The following CFI variants were observed in gnomAD, a reference collection of about 807,000 sequenced individuals.
The protein encoded by CFI is C3B/C4B inactivator.
A neutral mutation model predicts 78.8 loss-of-function variants in CFI; 66 were observed. That is an observed-to-expected ratio of 0.84 (90% CI 0.69 to 1.03). The LOEUF (loss-of-function observed/expected upper bound fraction) is 1.03. Ranked by LOEUF, CFI falls within the 50% of genes least tolerant of loss-of-function variation. CFI has a pLI of 0.00. For missense variants in CFI, 706 were observed against 704.5 expected, an observed-to-expected ratio of 1.00 and a Z score of -0.02; for synonymous variants, 250 against 232.6, an observed-to-expected ratio of 1.07 and a Z score of -0.68.
At chr4:109,784,814 TG>T (rs2125852921) in intron 1 of CFI, among the ~76,000 whole-genome samples, 1 of 152,218 alleles carries the variant, frequency 6.6e-6, no homozygotes, top group Admixed American at 6.5e-5. Flanking sequence ...AAGTATCTTT[TG>T]TCAGGCCTCT....
chr4:109,757,946 A>G, intron 6 of CFI, 163 bp from the exon 7 acceptor site: 1 of 1,465,934 alleles, frequency 6.8e-7, no homozygotes, highest in South Asian at 1.3e-5. Context: ...CTTGAATTGT[A>G]GGATGTCTAG....
intron 3 of CFI, 63 bp from the exon 4 acceptor site, chr4:109,761,755 C>T: frequency 2.2e-6 from 3 of 1,351,892 alleles, no homozygotes; most frequent in Non-Finnish European, 3.2e-6. Context: ...TATAACCCTA[C>T]TGTAGCAGGT....
At chr4:109,764,279 G>A (rs1727450504) in intron 3 of CFI, 5 of 527,352 alleles carry the variant, frequency 9.5e-6, no homozygotes, top group Non-Finnish European at 1.4e-5. Context: ...AAATGAATGT[G>A]TTTGTGACTC....
At position 109,746,497 on chromosome 4, in the gene CFI, C is replaced by T. The variant is rs1356737725; in HGVS notation, c.1154G>A (p.Ser385Asn). ...ILTAAHCLRA[S>N]KTHRYQIWTT... is the part of the protein sequence containing the mutation. ...CCATATTTGGTAACGATGAGTTTTA[C>T]TGGCTCTATAACAGAAAAAAAAAGG... Residue 385 changes from serine (S) to asparagine (N), a missense_variant, in exon 11 of 13, where the codon AGT (serine) becomes AAT (asparagine). Coordinates refer to ENST00000394634, the MANE Select transcript of CFI (RefSeq NM_000204.5). The T allele has an allele frequency of 6.2e-7, 1 of 1,609,270 alleles. No homozygotes were observed. The highest frequency in any genetic ancestry group is 2.2e-5 in the East Asian group (1 of 44,842).
chr4:109,752,933 TATAAATAA>T lies in CFI; in HGVS notation c.905-438_905-431del, dbSNP rs1374132028. 4.9e-4 allele frequency among the ~76,000 whole-genome samples: 52 copies of T among 106,166 alleles called. 1 individual carries two copies. Among genetic ancestry groups the T allele is most frequent in the South Asian group, 7.5e-4 (3 of 4,004 alleles). 69.6% of individuals were successfully genotyped at this position (106,166 alleles called of 152,430 possible). On this transcript the variant is annotated intron_variant, in intron 7 of 12. Transcript: ENST00000394634. The stretch of plus-strand genomic sequence containing the variant: ...AAATATTTATAATATATATTTATTA[TATAAATAA>T]ATATTTATAATACATATTTATTATA...
intron 1 of CFI, among the ~76,000 whole-genome samples, chr4:109,782,204 G>T (rs970038058): frequency 6.6e-6 from 1 of 151,904 alleles, no homozygotes; most frequent in African/African-American, 2.4e-5. Context: ...CTCTTTATGG[G>T]CATCCAAACC....
At chr4:109,751,523 C>A (rs1306607731) in intron 8 of CFI, among the ~76,000 whole-genome samples, 2 of 140,684 alleles carry the variant, frequency 1.4e-5, no homozygotes, top group Non-Finnish European at 3.0e-5. Context: ...TTCACTGCAA[C>A]CTCCACCTCC....
At chr4:109,785,126 A>G (rs964031937) in intron 1 of CFI, among the ~76,000 whole-genome samples, 17 of 152,004 alleles carry the variant, frequency 1.1e-4, no homozygotes, top group African/African-American at 4.1e-4. Flanking sequence ...TCCCAAACCT[A>G]TAAGAACTAA....
intron 1 of CFI, among the ~76,000 whole-genome samples, chr4:109,801,489 TTG>T (rs1340991007): frequency 6.6e-6 from 1 of 152,202 alleles, no homozygotes; most frequent in Non-Finnish European, 1.5e-5. Flanking sequence ...ACTTGCACTT[TTG>T]TGTTTTCAGA....
At chr4:109,771,788 T>C (rs1227344374) in intron 1 of CFI, among the ~76,000 whole-genome samples, 1 of 143,684 alleles carries the variant, frequency 7.0e-6, no homozygotes, top group Non-Finnish European at 1.5e-5. Context: ...GAACATTTGA[T>C]GGGATAGTAG....
chr4:109,732,653 C>T, the CFI span, among the ~76,000 whole-genome samples: 2 of 151,960 alleles, frequency 1.3e-5, no homozygotes, highest in Admixed American at 6.6e-5. Flanking sequence ...GTCAGGAGAT[C>T]GAGACCATCC....
At chr4:109,799,045 C>T (rs987802302) in intron 1 of CFI, among the ~76,000 whole-genome samples, 8 of 152,124 alleles carry the variant, frequency 5.3e-5, no homozygotes, top group African/African-American at 1.9e-4. Flanking sequence ...TGAACTTAGA[C>T]AACCACCAGA....
the CFI span, among the ~76,000 whole-genome samples, chr4:109,732,143 T>C: frequency 6.6e-6 from 1 of 152,214 alleles, no homozygotes; most frequent in African/African-American, 2.4e-5. Flanking sequence ...CCACTTTCTC[T>C]ATTTATTTAC....
In CFI at chr4:109,752,510, T is replaced by G. The variant is rs544145000; in HGVS notation, c.905-7A>C. The G allele has an allele frequency of 6.2e-7, 1 of 1,610,752 alleles. No homozygotes were observed. Among genetic ancestry groups the G allele is most frequent in the South Asian group, 1.1e-5 (1 of 90,958 alleles). On this transcript the variant is annotated splice_polypyrimidine_tract_variant and splice_region_variant and intron_variant, in intron 7 of 12. Transcript: ENST00000394634. ...GTCAAAATTTCTGTTTCTTCTATGA[T>G]AAAACAAAAGATTCCAATGTTTAAA... is the stretch of plus-strand genomic sequence containing the variant.
At chr4:109,733,671 C>T in the CFI span, among the ~76,000 whole-genome samples, 1 of 152,182 alleles carries the variant, frequency 6.6e-6, no homozygotes, top group Non-Finnish European at 1.5e-5. Flanking sequence ...TCAAGGATGG[C>T]ATTGAAATTT....
chr4:109,790,052 G>C (rs1041800419), intron 1 of CFI, among the ~76,000 whole-genome samples: 1 of 151,932 alleles, frequency 6.6e-6, no homozygotes, highest in African/African-American at 2.4e-5. Context: ...TGATTTGTGT[G>C]TTTCTAGGAA....
At chr4:109,772,292 T>C (rs1477349877) in intron 1 of CFI, among the ~76,000 whole-genome samples, 1 of 152,246 alleles carries the variant, frequency 6.6e-6, no homozygotes, top group African/African-American at 2.4e-5. Context: ...GTTGCCAAAA[T>C]ATGAGCTGAT....
At chr4:109,801,843 GATT>G (rs1210044352) in intron 1 of CFI, 69 bp downstream of exon 1, 1 of 998,358 alleles carries the variant, frequency 1.0e-6, no homozygotes, top group Non-Finnish European at 1.5e-6. Flanking sequence ...ATATATTTAA[GATT>G]ATTTTCTATG....
intron 1 of CFI, among the ~76,000 whole-genome samples, chr4:109,788,314 G>T (rs887574363): frequency 6.6e-6 from 1 of 152,042 alleles, no homozygotes. Flanking sequence ...TTGCTCTACA[G>T]AGGTTGTTTT....
Sources: allele counts gnomAD v4.1 joint callset (sites outside exome capture counted in the v4.1 genomes callset), GRCh38; gene constraint gnomAD v4.1.1; transcripts MANE v1.5; gene names NCBI Gene and HGNC (gene_info 2026-07-23, HGNC 2026-07-21).